The following SEMA4G variants were observed in gnomAD, a reference collection of about 807,000 sequenced individuals.
SEMA4G encodes semaphorin-4G.
Under a neutral mutation model 81.2 loss-of-function variants are expected in SEMA4G, and 59 were observed. The ratio of observed to expected loss-of-function variants is 0.73; its 90% CI spans 0.59 to 0.90. The LOEUF is 0.90. Ranked by LOEUF, SEMA4G falls within the 40% of genes least tolerant of loss-of-function variation. The pLI is 0.00. For synonymous variants in SEMA4G, 404 were observed against 433.9 expected (o/e 0.93, Z 0.86); for missense variants, 952 against 1,102.3 (o/e 0.86, Z 1.93).
At chr10:100,984,603 C>T (rs1322261528) in exon 14 of SEMA4G, 1 of 1,536,240 alleles carries the variant, frequency 6.5e-7, no homozygotes, top group Non-Finnish European at 8.7e-7. Flanking sequence ...GCCCTGCGTA[C>T]ATTCACATGC....
At chr10:100,984,756 T>C (rs897779980) in exon 14 of SEMA4G, 2 of 1,536,022 alleles carry the variant, frequency 1.3e-6, no homozygotes, top group African/African-American at 2.7e-5. Flanking sequence ...CCCAGCCCCA[T>C]GTGGTGACCT....
exon 14 of SEMA4G, chr10:100,984,295 C>T: frequency 1.4e-6 from 2 of 1,439,272 alleles, no homozygotes; most frequent in Admixed American, 2.8e-5. Flanking sequence ...CCAGCCAAAG[C>T]CCCCTCCTCA....
chr10:100,979,491 T>C, intron 8 of SEMA4G: 1 of 1,277,536 alleles, frequency 7.8e-7, no homozygotes, highest in Non-Finnish European at 1.1e-6. Context: ...CAAGTGATTA[T>C]CCTGCCTCGG....
Position 100,973,359 on chromosome 10 carries a change from C to A in SEMA4G, c.273+82C>A. On this transcript the variant is annotated intron_variant, in intron 2 of 13. Coordinates refer to ENST00000370250, the Ensembl canonical transcript of SEMA4G. The surrounding 1 kb of genome is among the most constrained non-coding windows in gnomAD (Gnocchi z 5.5). ...GGACCTCAACTTCCTTAAAACCCTGCCAGCCTTCCATAGCCCCCTGGTCAG... is the reference window on the plus strand; with the variant it reads ...GGACCTCAACTTCCTTAAAACCCTGACAGCCTTCCATAGCCCCCTGGTCAG... The A allele has an allele frequency of 6.5e-7, 1 of 1,547,822 alleles. No homozygotes were observed. The highest frequency in any genetic ancestry group is 8.8e-7 in the Non-Finnish European group (1 of 1,139,242).
chr10:100,973,465 C>A lies in SEMA4G; in HGVS notation c.274-82C>A. On this transcript the variant is annotated intron_variant, in intron 2 of 13. Transcript: ENST00000370250. This position sits in a 1 kb window ranked among gnomAD's most constrained non-coding sequence, Gnocchi z 5.5. ...TTGATCCCCACCCCAATTTCCCCAA[C>A]TCTGTGGGGTCCTATTGCCTGGTCC... 6.7e-7 allele frequency: 1 copy of A among 1,491,308 alleles called. No homozygotes were observed. Among genetic ancestry groups the A allele is most frequent in the Non-Finnish European group, 9.3e-7 (1 of 1,076,352 alleles). 92.4% of individuals were successfully genotyped at this position (1,491,308 alleles called of 1,614,324 possible). A position where few individuals can be genotyped will look rare whatever the true frequency, so the allele number is the denominator to read the frequency against.
rs1191733049 is a variant in SEMA4G, at chr10:100,980,840, G to T, written c.1486G>T (p.Ala496Ser). 4 of 1,579,996 alleles carry T rather than the reference G, an allele frequency of 2.5e-6. No individual in the cohort carries two copies. The African/African-American group carries it at 4.1e-5, about 16-fold the overall frequency. The change falls in exon 12 of 14, where the codon GCT becomes TCT. Residue 496 changes from alanine (A) to serine (S), a missense_variant. Physicochemically the swap from Ala to Ser is moderately conservative, Grantham distance 99. Coordinates refer to ENST00000370250, the Ensembl canonical transcript of SEMA4G. ...CTCCCAGCACAGCCTCTATGTGGGG[G>T]CTCCTAGCGGAGTCATCCAGCTACC...
At chr10:100,975,014 G>T (rs558234881) in intron 3 of SEMA4G, 29 of 534,282 alleles carry the variant, frequency 5.4e-5, no homozygotes, top group Admixed American at 2.5e-4. Flanking sequence ...GTGGTGTTGG[G>T]ACAGCTCCGT....
At chr10:100,971,538 C>T (rs1850631429), upstream of SEMA4G, among the ~76,000 whole-genome samples, 1 of 152,220 alleles carries the variant, frequency 6.6e-6, no homozygotes, top group Non-Finnish European at 1.5e-5. Flanking sequence ...TTCCTCCCCT[C>T]TTTCCAAGGC....
chr10:100,973,697 G>T lies in SEMA4G; in HGVS notation c.336+88G>T. 8.5e-7 allele frequency: 1 copy of T among 1,178,466 alleles called. No individual in the cohort carries two copies. 73.0% of individuals were successfully genotyped at this position (1,178,466 alleles called of 1,614,324 possible). ...GATTGTTGGGGACACAGATGGGTAGGTACAGACCTGCCAGTCAATCTCAGC... is the reference window on the plus strand; with the variant it reads ...GATTGTTGGGGACACAGATGGGTAGTTACAGACCTGCCAGTCAATCTCAGC... On this transcript the variant is annotated intron_variant, in intron 3 of 13. Coordinates refer to ENST00000370250, the Ensembl canonical transcript of SEMA4G. This position sits in a 1 kb window ranked among gnomAD's most constrained non-coding sequence, Gnocchi z 5.5.
In SEMA4G at chr10:100,981,237, A is replaced by G. The variant is rs1254015064; in HGVS notation, c.1690+8A>G. The stretch of plus-strand genomic sequence containing the variant: ...AGAGCAGCAGGGATACAGGTAAGTG[A>G]CTCATATGAGTGTGGGTCTAGCTAC... On this transcript the variant is annotated splice_region_variant and intron_variant, in intron 13 of 13. Coordinates refer to ENST00000370250, the Ensembl canonical transcript of SEMA4G. The G allele has an allele frequency of 1.2e-6, 2 of 1,613,808 alleles. No individual in the cohort carries two copies. The highest frequency in any genetic ancestry group is 3.3e-5 in the Admixed American group (2 of 59,994).
exon 1 of SEMA4G, chr10:100,972,930 G>T (rs775751808): frequency 1.2e-6 from 2 of 1,611,966 alleles, no homozygotes; most frequent in South Asian, 2.2e-5. Context: ...GGAGGCTCTG[G>T]CCCCTCCTCC....
intron 13 of SEMA4G, among the ~76,000 whole-genome samples, chr10:100,983,040 T>C (rs1028046894): frequency 6.6e-6 from 1 of 152,200 alleles, no homozygotes; most frequent in Admixed American, 6.5e-5. Flanking sequence ...GATTAGGAGT[T>C]ACTGGCAGAT....
At position 100,980,888 on chromosome 10, in the gene SEMA4G, C is replaced by T. The variant is rs140692272; in HGVS notation, c.1534C>T (p.Arg512Ter). The change falls in exon 12 of 14, where the codon CGA becomes TGA. Residue 512 changes from arginine to a stop codon, truncating the protein, a stop_gained. Coordinates refer to ENST00000370250, the Ensembl canonical transcript of SEMA4G. LOFTEE classifies it high-confidence loss of function. ...ACCACTCTCCAGCTGCTCCCGCTACCGATCCTGCTATGACTGCATCTTGGC... is the reference window on the plus strand; with the variant it reads ...ACCACTCTCCAGCTGCTCCCGCTACTGATCCTGCTATGACTGCATCTTGGC... 9 of 1,610,806 alleles carry T rather than the reference C, an allele frequency of 5.6e-6. No homozygotes were observed. The highest frequency in any genetic ancestry group is 2.2e-5 in the East Asian group (1 of 44,882).
At chr10:100,983,864 G>T in exon 14 of SEMA4G, 1 of 1,574,810 alleles carries the variant, frequency 6.3e-7, no homozygotes, top group South Asian at 1.2e-5. Context: ...GGGGCCTGGA[G>T]GGCAGCTGTC....
At position 100,977,729 on chromosome 10, in the gene SEMA4G, T is replaced by C. The variant is rs1850862536; in HGVS notation, c.434T>C (p.Ile145Thr). 6 of 1,611,072 alleles carry C rather than the reference T, an allele frequency of 3.7e-6. No homozygotes were observed. The highest frequency in any genetic ancestry group is 5.1e-6 in the Non-Finnish European group (6 of 1,177,386). The stretch of plus-strand genomic sequence containing the variant: ...GCCTTCCAGCCCCTCTGTGCAGCCA[T>C]TGTGAGTATACCTGTGTTGTGCCAG... Residue 145 changes from isoleucine (I) to threonine (T), a missense_variant and splice_region_variant, in exon 4 of 14, where the codon ATT becomes ACT. Ile to Thr is a moderately conservative substitution (Grantham distance 89, BLOSUM62 -1). This residue lies in a region of SEMA4G where 436 missense variants were observed against 488.2 expected (regional missense o/e 0.89). Coordinates refer to ENST00000370250, the Ensembl canonical transcript of SEMA4G.
At chr10:100,983,631 G>A (rs957195278) in exon 14 of SEMA4G, 2 of 1,613,988 alleles carry the variant, frequency 1.2e-6, no homozygotes, top group Non-Finnish European at 1.7e-6. Flanking sequence ...GGCACCTGAT[G>A]TGAGACTGCT....
At chr10:100,981,523 A>T in intron 13 of SEMA4G, 1 of 1,614,176 alleles carries the variant, frequency 6.2e-7, no homozygotes, top group South Asian at 1.1e-5. Context: ...CCCAAGGAAG[A>T]TCGGATGACT....
chr10:100,980,482 C>G (rs972453668), intron 10 of SEMA4G, 96 bp from the exon 12 acceptor site: 1 of 1,340,186 alleles, frequency 7.5e-7, no homozygotes, highest in Non-Finnish European at 1.1e-6. Context: ...TTGTTCTGGA[C>G]CTCAGGACTC....
rs558586100 is a variant in SEMA4G, at chr10:100,983,533, G to A, written c.1919G>A (p.Arg640His). 8.5e-5 allele frequency: 138 copies of A among 1,614,058 alleles called. 1 individual carries two copies. The South Asian group carries it at 1.4e-3, about 16-fold the overall frequency. ...TGCTATGCCGAGGAAAATGGCCTCCGCACCCTGCTGGCCTCCTATAGTCTC... is the reference window on the plus strand; with the variant it reads ...TGCTATGCCGAGGAAAATGGCCTCCACACCCTGCTGGCCTCCTATAGTCTC... The change falls in exon 14 of 14, where the codon CGC (arginine) becomes CAC (histidine). Residue 640 changes from arginine (R) to histidine (H), a missense_variant. Physicochemically the swap from Arg to His is conservative, Grantham distance 29. Coordinates refer to ENST00000370250, the Ensembl canonical transcript of SEMA4G.
Sources: gnomAD v4.1 joint callset for allele counts (sites outside exome capture counted in the v4.1 genomes callset) on GRCh38, gnomAD v4.1.1 for gene constraint, gnomAD v4.1.1 regional missense constraint, Gnocchi (gnomAD v3.1) non-coding constraint, MANE v1.5 for transcripts, NCBI Gene and HGNC (gene_info 2026-07-23, HGNC 2026-07-21) for gene names.